The following ARHGAP25 variants were observed in gnomAD, a reference collection of about 807,000 sequenced individuals.
ARHGAP25 encodes the protein Rho GTPase activating protein 25, also known as rho GTPase-activating protein 25.
ARHGAP25 carries 34 observed loss-of-function variants against 71.0 expected under a neutral mutation model. The ratio of observed to expected loss-of-function variants is 0.48; its 90% CI spans 0.36 to 0.64. ARHGAP25 has a LOEUF of 0.64. Among genes scored for constraint, ARHGAP25 ranks in the 30% least tolerant of loss-of-function variants. The probability of loss-of-function intolerance (pLI) is 0.00; values close to 1 mark genes in which losing one functional copy is unlikely to be tolerated. For missense variants in ARHGAP25, 706 were observed against 805.1 expected, an observed-to-expected ratio of 0.88 and a Z score of 1.49; for synonymous variants, 282 against 296.5, an observed-to-expected ratio of 0.95 and a Z score of 0.50.
At chr2:68,738,450 T>G (rs1220172415) in intron 1 of ARHGAP25, among the ~76,000 whole-genome samples, 1 of 152,186 alleles carries the variant, frequency 6.6e-6, no homozygotes, top group African/African-American at 2.4e-5. Flanking sequence ...GATGTTCAGC[T>G]TTCTGAACAT....
chr2:68,755,767 G>T (rs1676446363), intron 1 of ARHGAP25, among the ~76,000 whole-genome samples: 2 of 152,176 alleles, frequency 1.3e-5, no homozygotes, highest in South Asian at 4.1e-4. Flanking sequence ...TGGGGGTAAT[G>T]GTTGAGTTAA....
chr2:68,797,037 C>T (rs1460623763), intron 4 of ARHGAP25, among the ~76,000 whole-genome samples: 1 of 152,080 alleles, frequency 6.6e-6, no homozygotes, highest in African/African-American at 2.4e-5. Flanking sequence ...GAGATTTATG[C>T]CCGACCTCTG....
intron 2 of ARHGAP25, among the ~76,000 whole-genome samples, chr2:68,778,663 G>T (rs2104382824): frequency 6.6e-6 from 1 of 152,256 alleles, no homozygotes; most frequent in Middle Eastern, 3.4e-3. Context: ...AAGTCATCTG[G>T]CCAGATTTAC....
At chr2:68,762,358 A>G (rs942550579) in intron 1 of ARHGAP25, among the ~76,000 whole-genome samples, 1 of 152,228 alleles carries the variant, frequency 6.6e-6, no homozygotes, top group East Asian at 1.9e-4. Flanking sequence ...TGAACTGTAC[A>G]ATCAAAAATA....
At chr2:68,736,600 T>C (rs116266621) in intron 1 of ARHGAP25, among the ~76,000 whole-genome samples, 275 of 152,328 alleles carry the variant, frequency 1.8e-3, no homozygotes, top group African/African-American at 6.3e-3. Context: ...AGACAATTAA[T>C]AGTTAAATGA....
chr2:68,719,478 G>A (rs1228414008), intron 2 of ARHGAP25, among the ~76,000 whole-genome samples: 2 of 146,544 alleles, frequency 1.4e-5, no homozygotes, highest in African/African-American at 2.5e-5. Flanking sequence ...AAACAAATAA[G>A]AACAACGCCC....
chr2:68,807,568 G>A, intron 5 of ARHGAP25, 88 bp downstream of exon 5: 2 of 1,331,486 alleles, frequency 1.5e-6, no homozygotes, highest in Admixed American at 3.6e-5. Context: ...TTGAGCTATG[G>A]GACTTGCATA....
At chr2:68,788,088 G>T in intron 4 of ARHGAP25, 132 bp downstream of exon 4, 1 of 705,798 alleles carries the variant, frequency 1.4e-6, no homozygotes, top group Non-Finnish European at 2.5e-6. Flanking sequence ...GCATGCCCAT[G>T]GCCAAGTGCT....
At chr2:68,711,012 A>G (rs1674467742) in intron 2 of ARHGAP25, among the ~76,000 whole-genome samples, 1 of 152,144 alleles carries the variant, frequency 6.6e-6, no homozygotes, top group African/African-American at 2.4e-5. Flanking sequence ...AGGTCATCCT[A>G]TGTCAAACTT....
At chr2:68,741,027 A>G (rs1175849536) in intron 1 of ARHGAP25, among the ~76,000 whole-genome samples, 1 of 152,218 alleles carries the variant, frequency 6.6e-6, no homozygotes, top group African/African-American at 2.4e-5. Context: ...TGCTGAGAGG[A>G]AGAAAATATT....
At chr2:68,800,813 A>T (rs1353229113) in intron 4 of ARHGAP25, among the ~76,000 whole-genome samples, 1 of 152,210 alleles carries the variant, frequency 6.6e-6, no homozygotes, top group Non-Finnish European at 1.5e-5. Context: ...GTCAGTTCTC[A>T]GCATAAAATT....
chr2:68,738,056 G>C (rs1167290553), intron 1 of ARHGAP25, among the ~76,000 whole-genome samples: 1 of 152,170 alleles, frequency 6.6e-6, no homozygotes, highest in Non-Finnish European at 1.5e-5. Flanking sequence ...TATTGATCCT[G>C]GCAGGAATAG....
At chr2:68,810,355 G>T (rs4854458) in intron 5 of ARHGAP25, among the ~76,000 whole-genome samples, 2 of 152,014 alleles carry the variant, frequency 1.3e-5, no homozygotes, top group Admixed American at 6.5e-5. Flanking sequence ...ACTTAGAACA[G>T]GGGCTTTTCA....
In ARHGAP25 at chr2:68,816,336, C is replaced by G; in HGVS notation, c.855C>G (p.Asn285Lys). Residue 285 changes from asparagine to lysine, a missense_variant, in exon 7 of 11, where the codon AAC becomes AAG. Coordinates refer to ENST00000409202, the MANE Select transcript of ARHGAP25 (RefSeq NM_001007231.3). Reference sequence around the variant, plus strand: ...AGCTCTCCATCCTTCCTCGTGACAACTATAGTCTCCTGAGCTACATCTGCA... The same window carrying G: ...AGCTCTCCATCCTTCCTCGTGACAAGTATAGTCTCCTGAGCTACATCTGCA... The part of the protein sequence containing the change: ...MKQLSILPRD[N>K]YSLLSYICRF... 6.2e-7 allele frequency: 1 copy of G among 1,613,846 alleles called. No individual in the cohort carries two copies. The highest frequency in any genetic ancestry group is 8.5e-7 in the Non-Finnish European group (1 of 1,179,776).
At chr2:68,714,032 A>C (rs1573369657) in intron 2 of ARHGAP25, among the ~76,000 whole-genome samples, 2 of 152,052 alleles carry the variant, frequency 1.3e-5, no homozygotes, top group African/African-American at 4.8e-5. Flanking sequence ...CTCTTTTTGT[A>C]TTGTTTGAAA....
At chr2:68,791,884 A>T (rs1023228575) in intron 4 of ARHGAP25, among the ~76,000 whole-genome samples, 1 of 152,104 alleles carries the variant, frequency 6.6e-6, no homozygotes, top group South Asian at 2.1e-4. Flanking sequence ...AGGGCAGCAC[A>T]TTGGTGTTTC....
intron 2 of ARHGAP25, among the ~76,000 whole-genome samples, chr2:68,779,980 G>A (rs1015605841): frequency 4.6e-5 from 7 of 152,234 alleles, no homozygotes; most frequent in African/African-American, 1.7e-4. Context: ...CAGCAAGTGG[G>A]ACTTGTAAGT....
At chr2:68,715,970 G>A (rs573457352) in intron 2 of ARHGAP25, among the ~76,000 whole-genome samples, 3 of 152,142 alleles carry the variant, frequency 2.0e-5, no homozygotes, top group African/African-American at 4.8e-5. Flanking sequence ...ATTTTCAGTC[G>A]TTTTCACACC....
chr2:68,784,190 T>TCTCA (rs1553402624), intron 3 of ARHGAP25, among the ~76,000 whole-genome samples: 9 of 150,060 alleles, frequency 6.0e-5, no homozygotes, highest in African/African-American at 2.2e-4. Flanking sequence ...TCTCTCTCTC[T>TCTCA]CACACACACA....
Sources: gnomAD v4.1 joint callset for allele counts (sites outside exome capture counted in the v4.1 genomes callset) on GRCh38, gnomAD v4.1.1 for gene constraint, MANE v1.5 for transcripts, NCBI Gene and HGNC (gene_info 2026-07-23, HGNC 2026-07-21) for gene names.